ZKSCAN7: variants seen among roughly 807,000 people sequenced by gnomAD.
The protein encoded by ZKSCAN7 is zinc finger with KRAB and SCAN domains 7, also known as zinc finger protein with KRAB and SCAN domains 7.
ZKSCAN7 carries 38 observed loss-of-function variants against 65.3 expected under a neutral mutation model. The observed-to-expected ratio is 0.58, with a 90% CI of 0.45 to 0.76. ZKSCAN7 has a LOEUF of 0.76. Ranked by LOEUF, ZKSCAN7 falls within the 30% of genes least tolerant of loss-of-function variation. The pLI, the probability that ZKSCAN7 is intolerant of heterozygous loss-of-function variation, is 0.00. For synonymous variants in ZKSCAN7, 321 were observed against 321.0 expected, an observed-to-expected ratio of 1.00 and a Z score of 0.00; for missense variants, 815 against 913.3, an observed-to-expected ratio of 0.89 and a Z score of 1.39.
intron 5 of ZKSCAN7, chr3:44,580,467 A>C: frequency 1.3e-6 from 2 of 1,598,772 alleles, no homozygotes; most frequent in Non-Finnish European, 1.7e-6. Flanking sequence ...AGCACTGGGG[A>C]TGCTGCTGCT....
rs149033595 is a variant in ZKSCAN7 at position 44,561,289 on chromosome 3, A to G, written c.423+3819A>G. Among the ~76,000 whole-genome samples the G allele has an allele frequency of 1.3e-3, 203 of 152,214 alleles. 1 individual carries two copies. The East Asian group carries it at 0.032, about 24-fold the overall frequency. ...AGAAGAGAATGCAGGGGGAAGTGAC[A>G]CATACTTTTAAATGATCAGATCTCA... On this transcript the variant is annotated intron_variant, in intron 2 of 5. Coordinates refer to ENST00000426540, the MANE Select transcript of ZKSCAN7 (RefSeq NM_001288590.2).
At chr3:44,569,789 T>C in intron 5 of ZKSCAN7, 133 bp from the exon 6 acceptor site, 2 of 1,366,038 alleles carry the variant, frequency 1.5e-6, no homozygotes, top group Admixed American at 3.0e-5. Context: ...CCCATTTTGC[T>C]CTTGTTCTCA....
rs1699814288 is a variant in ZKSCAN7, at chr3:44,571,711, A to G, written c.*336A>G. 2.7e-6 allele frequency: 3 copies of G among 1,109,316 alleles called. No homozygotes were observed. Among genetic ancestry groups the G allele is most frequent in the Non-Finnish European group, 3.3e-6 (3 of 906,486 alleles). 68.7% of individuals were successfully genotyped at this position (1,109,316 alleles called of 1,614,324 possible). A position where few individuals can be genotyped will look rare whatever the true frequency, so the allele number is the denominator to read the frequency against. On this transcript the variant is annotated 3_prime_UTR_variant, in exon 6 of 6. Coordinates refer to ENST00000426540, the MANE Select transcript of ZKSCAN7 (RefSeq NM_001288590.2). ...ACAGAGATAATATCTTCTCTATTCT[A>G]TTCTACTTCCTCCATTTCACCATTT...
intron 2 of ZKSCAN7, 87 bp from the exon 3 acceptor site, chr3:44,565,400 T>G (rs1451470305): frequency 1.0e-5 from 14 of 1,347,110 alleles, no homozygotes; most frequent in South Asian, 3.6e-5. Context: ...TCCCTGGCTT[T>G]CTTTCTGGAG....
At chr3:44,582,189 T>TTG (rs1700101266) in intron 5 of ZKSCAN7, among the ~76,000 whole-genome samples, 1 of 152,220 alleles carries the variant, frequency 6.6e-6, no homozygotes, top group Non-Finnish European at 1.5e-5. Flanking sequence ...TAGGACATTT[T>TTG]AGATTTATTA....
At chr3:44,569,584 T>TA (rs1288375790) in intron 5 of ZKSCAN7, among the ~76,000 whole-genome samples, 2 of 152,230 alleles carry the variant, frequency 1.3e-5, no homozygotes, top group African/African-American at 4.8e-5. Flanking sequence ...GTTCATCACT[T>TA]TACTAAGGAG....
chr3:44,582,623 A>G (rs1700111703), intron 5 of ZKSCAN7, among the ~76,000 whole-genome samples: 1 of 152,232 alleles, frequency 6.6e-6, no homozygotes, highest in Non-Finnish European at 1.5e-5. Flanking sequence ...CTGAATGAAT[A>G]GATTTTTGTA....
At chr3:44,567,635 A>G (rs13071218) in intron 3 of ZKSCAN7, among the ~76,000 whole-genome samples, 49,440 of 151,880 alleles carry the variant, frequency 0.33, 8,781 homozygotes, top group African/African-American at 0.41. Context: ...TGCTAGGGAA[A>G]CCATGGGAGA....
chr3:44,576,765 A>G (rs564659859), downstream of ZKSCAN7, among the ~76,000 whole-genome samples: 7 of 152,218 alleles, frequency 4.6e-5, no homozygotes, highest in South Asian at 1.2e-3. Flanking sequence ...AGCAGCTTCA[A>G]TTTTGCTAAG....
At chr3:44,580,349 C>T in intron 5 of ZKSCAN7, 1 of 1,610,518 alleles carries the variant, frequency 6.2e-7, no homozygotes, top group South Asian at 1.1e-5. Context: ...CAGCAGGAGG[C>T]TGGCTCTGGC....
chr3:44,565,431 G>T, intron 2 of ZKSCAN7, 56 bp from the exon 3 acceptor site: 1 of 1,486,178 alleles, frequency 6.7e-7, no homozygotes, highest in East Asian at 2.5e-5. Context: ...AGAGGTTTTG[G>T]GTTCAGTACC....
intron 2 of ZKSCAN7, 189 bp downstream of exon 2, chr3:44,557,659 T>C: frequency 2.7e-6 from 2 of 729,140 alleles, no homozygotes; most frequent in Non-Finnish European, 4.4e-6. Context: ...CCAGCTAAGC[T>C]CTGTGATTCA....
At chr3:44,578,559 G>A (rs1240895813) in intron 5 of ZKSCAN7, among the ~76,000 whole-genome samples, 5 of 152,208 alleles carry the variant, frequency 3.3e-5, no homozygotes, top group Non-Finnish European at 7.3e-5. Context: ...TGCGAGTACT[G>A]CTCCGAGAGG....
Position 44,571,375 on chromosome 3 carries a change from A to C in ZKSCAN7, c.2265A>C (p.Ter755TyrextTer5), listed in dbSNP as rs1339139223. ...CAGGTCTGGCTTGGTCAGTTTCTTA[A>C]GGTATGGTTCTCTGAGACAGAGAGC... ...KSSGLAWSVS[*>Y] The change falls in exon 6 of 6, where the codon TAA becomes TAC. Residue 755 changes from the stop codon to tyrosine (Y), a stop_lost. Coordinates refer to ENST00000426540, the MANE Select transcript of ZKSCAN7 (RefSeq NM_001288590.2). 3 of 1,613,752 alleles carry C rather than the reference A, an allele frequency of 1.9e-6. No individual in the cohort carries two copies. In the African/African-American group the frequency reaches 4.0e-5, roughly 22 times the overall value.
In ZKSCAN7 at chr3:44,571,216, C is replaced by A. The variant is rs1245757952; in HGVS notation, c.2106C>A (p.Asp702Glu). 6.2e-7 allele frequency: 1 copy of A among 1,614,156 alleles called. No homozygotes were observed. The highest frequency in any genetic ancestry group is 1.1e-5 in the South Asian group (1 of 91,078). ...KCNDCGKAFS[D>E]SSQLIVHQRV... ...ATGATTGTGGGAAAGCTTTTAGTGACAGCTCACAGCTTATTGTACACCAGA... is the reference window on the plus strand; with the variant it reads ...ATGATTGTGGGAAAGCTTTTAGTGAAAGCTCACAGCTTATTGTACACCAGA... The change falls in exon 6 of 6, where the codon GAC becomes GAA. Residue 702 changes from aspartate (D) to glutamate (E), a missense_variant. Physicochemically the swap from Asp to Glu is conservative, Grantham distance 45. This residue lies in a region of ZKSCAN7 where 578 missense variants were observed against 629.5 expected (regional missense o/e 0.92). Transcript: ENST00000426540.
At chr3:44,567,601 G>A (rs1240683191) in intron 3 of ZKSCAN7, among the ~76,000 whole-genome samples, 1 of 152,186 alleles carries the variant, frequency 6.6e-6, no homozygotes, top group Non-Finnish European at 1.5e-5. Flanking sequence ...CCACAACTGT[G>A]AGGGGAAAAT....
At chr3:44,576,814 C>T (rs1158640556), downstream of ZKSCAN7, among the ~76,000 whole-genome samples, 1 of 152,192 alleles carries the variant, frequency 6.6e-6, no homozygotes, top group Non-Finnish European at 1.5e-5. Context: ...ACTTTTATAT[C>T]TAGCTTTCTT....
intron 4 of ZKSCAN7, 122 bp from the exon 5 acceptor site, chr3:44,568,185 C>T: frequency 1.3e-6 from 2 of 1,540,870 alleles, no homozygotes; most frequent in South Asian, 1.3e-5. Flanking sequence ...GAGGTGTCAT[C>T]TCAGCTCCTC....
At chr3:44,564,593 C>G (rs1343505526) in intron 2 of ZKSCAN7, among the ~76,000 whole-genome samples, 1 of 152,170 alleles carries the variant, frequency 6.6e-6, no homozygotes, top group Non-Finnish European at 1.5e-5. Context: ...CCTGCTTTGT[C>G]AGTGTGCTCA....
Sources: allele counts gnomAD v4.1 joint callset (sites outside exome capture counted in the v4.1 genomes callset), GRCh38; gene constraint gnomAD v4.1.1; regional missense constraint gnomAD v4.1.1; transcripts MANE v1.5; gene names NCBI Gene and HGNC (gene_info 2026-07-23, HGNC 2026-07-21).